The following CALD1 variants were observed in gnomAD, a reference collection of about 807,000 sequenced individuals.
CALD1 encodes the protein caldesmon.
A neutral mutation model predicts 99.9 loss-of-function variants in CALD1; 33 were observed. The observed-to-expected ratio is 0.33, with a 90% CI of 0.25 to 0.44. The LOEUF is 0.44. Among genes scored for constraint, CALD1 ranks in the 20% least tolerant of loss-of-function variants. The pLI is 1.00. For missense variants in CALD1, 861 were observed against 962.1 expected (o/e 0.89, Z 1.39); for synonymous variants, 310 against 325.0 (o/e 0.95, Z 0.50).
the CALD1 span, chr7:134,734,787 C>T: frequency 6.5e-6 from 1 of 153,008 alleles, no homozygotes; most frequent in African/African-American, 2.4e-5. Flanking sequence ...GCCTCCCCAG[C>T]CATGTGGAAC....
At chr7:134,888,783 T>C (rs1802001777) in intron 3 of CALD1, among the ~76,000 whole-genome samples, 1 of 152,196 alleles carries the variant, frequency 6.6e-6, no homozygotes, top group South Asian at 2.1e-4. Flanking sequence ...GCTTCCCAAA[T>C]GCATGCCCCT....
intron 1 of CALD1, among the ~76,000 whole-genome samples, chr7:134,816,437 A>G (rs1477897551): frequency 6.6e-6 from 1 of 152,196 alleles, no homozygotes; most frequent in African/African-American, 2.4e-5. Flanking sequence ...GAATTTGACT[A>G]GTTCCATTTA....
intron 1 of CALD1, among the ~76,000 whole-genome samples, chr7:134,766,163 T>G (rs1215629816): frequency 7.2e-6 from 1 of 138,348 alleles, no homozygotes; most frequent in Non-Finnish European, 1.6e-5. Flanking sequence ...TTTTTTTTTT[T>G]TTTTTTGAGA....
chr7:134,771,502 C>G (rs1396754719), intron 1 of CALD1, among the ~76,000 whole-genome samples: 1 of 152,196 alleles, frequency 6.6e-6, no homozygotes, highest in East Asian at 1.9e-4. Flanking sequence ...TAAATGCTCT[C>G]TCAGCTCCCA....
chr7:134,885,755 T>C (rs1435013954), intron 3 of CALD1, among the ~76,000 whole-genome samples: 1 of 152,204 alleles, frequency 6.6e-6, no homozygotes, highest in Non-Finnish European at 1.5e-5. Flanking sequence ...TTCTAAAATA[T>C]ATCACTATGG....
intron 3 of CALD1, among the ~76,000 whole-genome samples, chr7:134,874,719 A>G: frequency 6.6e-6 from 1 of 152,008 alleles, no homozygotes. Flanking sequence ...AAAGGGAATG[A>G]AAACACTTGC....
intron 1 of CALD1, among the ~76,000 whole-genome samples, chr7:134,773,328 G>T (rs1014076342): frequency 2.0e-5 from 3 of 149,846 alleles, no homozygotes; most frequent in Admixed American, 2.0e-4. Context: ...AAGCTGGGGT[G>T]CAGTGGCACA....
At chr7:134,895,965 T>C (rs1802543042) in intron 3 of CALD1, among the ~76,000 whole-genome samples, 1 of 152,200 alleles carries the variant, frequency 6.6e-6, no homozygotes, top group Non-Finnish European at 1.5e-5. Context: ...GTCACGTGCT[T>C]TGACCTGAAT....
chr7:134,944,654 TA>T (rs990677290), intron 7 of CALD1: 3 of 152,172 alleles, frequency 2.0e-5, no homozygotes, highest in African/African-American at 7.2e-5. Flanking sequence ...TAAATGATGT[TA>T]GGGTGTGATA....
At chr7:134,841,325 CAATT>C (rs1799639063) in intron 1 of CALD1, among the ~76,000 whole-genome samples, 1 of 152,152 alleles carries the variant, frequency 6.6e-6, no homozygotes, top group African/African-American at 2.4e-5. Context: ...AAAGCAGAGA[CAATT>C]AATAATGTGT....
chr7:134,734,579 C>T, the CALD1 span, among the ~76,000 whole-genome samples: 2 of 152,200 alleles, frequency 1.3e-5, no homozygotes. Flanking sequence ...AATCCCCACA[C>T]ATTGTGGAGG....
intron 1 of CALD1, among the ~76,000 whole-genome samples, chr7:134,800,313 C>A (rs922207256): frequency 6.6e-6 from 1 of 152,070 alleles, no homozygotes; most frequent in Non-Finnish European, 1.5e-5. Flanking sequence ...TTGCTCAAAT[C>A]TCTGATATTC....
Position 134,837,338 on chromosome 7 carries a change from G to A in CALD1, c.-129-6546G>A, listed in dbSNP as rs532785182. Among the ~76,000 whole-genome samples, 136 of 139,656 alleles carry A rather than the reference G, an allele frequency of 9.7e-4. 2 individuals carry two copies. Among genetic ancestry groups the A allele is most frequent in the African/African-American group, 3.6e-3 (130 of 35,784 alleles). 91.6% of individuals were successfully genotyped at this position (139,656 alleles called of 152,430 possible). ...ACTCAACAACAGACTTTTTTCTTTCGTTCTCCTTTTTTTTTTTTTCCTGAG... is the reference window on the plus strand; with the variant it reads ...ACTCAACAACAGACTTTTTTCTTTCATTCTCCTTTTTTTTTTTTTCCTGAG... On this transcript the variant is annotated intron_variant, in intron 1 of 14. Transcript: ENST00000361675.
chr7:134,943,734 A>G (rs1331816339), intron 7 of CALD1, among the ~76,000 whole-genome samples: 1 of 152,210 alleles, frequency 6.6e-6, no homozygotes, highest in South Asian at 2.1e-4. Flanking sequence ...CCAGATATTT[A>G]TCTATGTATA....
At chr7:134,840,784 C>A (rs1268148688) in intron 1 of CALD1, among the ~76,000 whole-genome samples, 1 of 152,092 alleles carries the variant, frequency 6.6e-6, no homozygotes, top group Non-Finnish European at 1.5e-5. Context: ...ATCTTACTTC[C>A]AAGTGGGGAT....
intron 1 of CALD1, among the ~76,000 whole-genome samples, chr7:134,779,953 T>C (rs1797040396): frequency 6.6e-6 from 1 of 152,108 alleles, no homozygotes; most frequent in Non-Finnish European, 1.5e-5. Flanking sequence ...CCAGTTTTGT[T>C]TTTAGAATTG....
intron 1 of CALD1, among the ~76,000 whole-genome samples, chr7:134,833,321 T>C (rs17168079): frequency 0.11 from 16,854 of 152,208 alleles, 1,750 homozygotes; most frequent in African/African-American, 0.27. Context: ...AATATCTTAT[T>C]AATGTGGAAA....
At chr7:134,794,549 C>A (rs1797673448) in intron 1 of CALD1, among the ~76,000 whole-genome samples, 1 of 152,176 alleles carries the variant, frequency 6.6e-6, no homozygotes, top group Non-Finnish European at 1.5e-5. Context: ...TGCAGTGGAG[C>A]AATCTCAGCT....
intron 3 of CALD1, among the ~76,000 whole-genome samples, chr7:134,876,995 T>C (rs1306722808): frequency 2.0e-5 from 3 of 152,210 alleles, no homozygotes; most frequent in Non-Finnish European, 4.4e-5. Context: ...ATGGTTGTTC[T>C]ACTCCGCCTC....
Sources: gnomAD v4.1 joint callset for allele counts (sites outside exome capture counted in the v4.1 genomes callset) on GRCh38, gnomAD v4.1.1 for gene constraint, MANE v1.5 for transcripts, NCBI Gene and HGNC (gene_info 2026-07-23, HGNC 2026-07-21) for gene names.